SMARCAL1: variants seen among roughly 807,000 people sequenced by gnomAD.
The protein encoded by SMARCAL1 is ATP-driven annealing helicase.
In SMARCAL1, 58 loss-of-function variants were observed where a neutral mutation model predicts 94.5. That is an observed-to-expected ratio of 0.61 (90% CI 0.50 to 0.76). SMARCAL1 has a LOEUF of 0.76. Among genes scored for constraint, SMARCAL1 ranks in the 30% least tolerant of loss-of-function variants. SMARCAL1 has a pLI of 0.00. For synonymous variants in SMARCAL1, 422 were observed against 455.1 expected (o/e 0.93, Z 0.93); for missense variants, 1,051 against 1,177.9 (o/e 0.89, Z 1.58).
chr2:216,478,430 A>G (rs1695134724), intron 17 of SMARCAL1, 131 bp downstream of exon 17: 1 of 755,990 alleles, frequency 1.3e-6, no homozygotes, highest in Non-Finnish European at 2.4e-6. Flanking sequence ...GCTGAAAACA[A>G]TGGCCTGCAG....
In SMARCAL1 at chr2:216,415,325, C is replaced by G. The variant is rs761271788; in HGVS notation, c.621C>G (p.Ile207Met). The G allele has an allele frequency of 6.2e-7, 1 of 1,614,230 alleles. No individual in the cohort carries two copies. The highest frequency in any genetic ancestry group is 1.1e-5 in the South Asian group (1 of 91,090). Residue 207 changes from isoleucine to methionine, a missense_variant, in exon 3 of 18, where the codon ATC becomes ATG. Physicochemically the swap from Ile to Met is conservative, Grantham distance 10. Around this residue, in one of 3 missense-constraint regions of SMARCAL1, gnomAD observed 398 missense variants for 395.2 expected, o/e 1.01. Coordinates refer to ENST00000357276, the MANE Select transcript of SMARCAL1 (RefSeq NM_014140.4). ...ASPSGQNISYIHSSSESVTPR... is the reference protein window; with the variant it reads ...ASPSGQNISYMHSSSESVTPR... ...CTTCGGGGCAGAACATTTCTTACAT[C>G]CATTCTAGCTCAGAGAGTGTAACGC...
intron 14 of SMARCAL1, among the ~76,000 whole-genome samples, chr2:216,473,365 C>CTTT (rs74269760): frequency 7.2e-6 from 1 of 138,158 alleles, no homozygotes; most frequent in Non-Finnish European, 1.6e-5. Context: ...CTTGGTTTTC[C>CTTT]TTTTTTTTTT....
At chr2:216,447,273 A>G (rs1173624049) in intron 11 of SMARCAL1, 115 bp downstream of exon 11, 1 of 1,312,386 alleles carries the variant, frequency 7.6e-7, no homozygotes. Context: ...GGCCAGGGGA[A>G]TGGATTTTAG....
At chr2:216,472,346 T>C (rs1176195178) in intron 14 of SMARCAL1, among the ~76,000 whole-genome samples, 2 of 152,058 alleles carry the variant, frequency 1.3e-5, no homozygotes, top group Non-Finnish European at 2.9e-5. Context: ...GAGACAAGAC[T>C]CTATCTCAAA....
chr2:216,455,080 C>T (rs747611620), intron 12 of SMARCAL1, among the ~76,000 whole-genome samples: 4 of 152,368 alleles, frequency 2.6e-5, no homozygotes, highest in Admixed American at 1.3e-4. Context: ...CATGGTCCCA[C>T]GCCCACGGAG....
chr2:216,468,293 AG>A (rs1381596887), intron 14 of SMARCAL1, among the ~76,000 whole-genome samples: 3 of 152,240 alleles, frequency 2.0e-5, no homozygotes, highest in Non-Finnish European at 2.9e-5. Context: ...AACATCTCCC[AG>A]GGGCTGTTCC....
chr2:216,475,514 T>G lies in SMARCAL1; in HGVS notation c.2427+63T>G. The G allele has an allele frequency of 6.5e-7, 1 of 1,538,778 alleles. No individual in the cohort carries two copies. The highest frequency in any genetic ancestry group is 9.0e-7 in the Non-Finnish European group (1 of 1,111,568). ...GCTCATGGCTGTGGGCAGGAAGCAG[T>G]GAGTGTCGGTCGGGGAAAGTGTGGT... On this transcript the variant is annotated intron_variant, in intron 15 of 17. Transcript: ENST00000357276. This position sits in a 1 kb window ranked among gnomAD's most constrained non-coding sequence, Gnocchi z 4.4.
intron 8 of SMARCAL1, 46 bp downstream of exon 8, chr2:216,432,914 A>G (rs1250032495): frequency 1.9e-6 from 3 of 1,609,230 alleles, no homozygotes; most frequent in Non-Finnish European, 2.6e-6. Flanking sequence ...GGTTTTCTTC[A>G]GTGTTAGAGT....
At chr2:216,455,151 G>A (rs190966685) in intron 12 of SMARCAL1, among the ~76,000 whole-genome samples, 191 of 152,356 alleles carry the variant, frequency 1.3e-3, no homozygotes, top group African/African-American at 4.3e-3. Context: ...CGAGGCTGGG[G>A]GAGGGGTGCC....
intron 5 of SMARCAL1, among the ~76,000 whole-genome samples, chr2:216,421,822 C>T (rs893847030): frequency 6.6e-6 from 1 of 152,234 alleles, no homozygotes; most frequent in Non-Finnish European, 1.5e-5. Flanking sequence ...ACCTCACATT[C>T]AAGCATTGTC....
At chr2:216,415,732 CAGTT>C (rs1372888057) in intron 3 of SMARCAL1, among the ~76,000 whole-genome samples, 1 of 152,222 alleles carries the variant, frequency 6.6e-6, no homozygotes, top group Non-Finnish European at 1.5e-5. Flanking sequence ...ATCTGGAGAA[CAGTT>C]GAATGTTACT....
At chr2:216,442,055 A>G (rs1182987989) in intron 10 of SMARCAL1, among the ~76,000 whole-genome samples, 1 of 152,118 alleles carries the variant, frequency 6.6e-6, no homozygotes, top group Non-Finnish European at 1.5e-5. Context: ...GCTGGATGAG[A>G]TAGTGGCTAA....
At chr2:216,461,055 G>GGTGT (rs71054476) in intron 12 of SMARCAL1, among the ~76,000 whole-genome samples, 4,137 of 146,294 alleles carry the variant, frequency 0.028, 111 homozygotes, top group African/African-American at 0.063. Context: ...ACTAGAAAGA[G>GGTGT]GTGTGTGTGT....
At chr2:216,454,251 T>C (rs910958266) in intron 12 of SMARCAL1, among the ~76,000 whole-genome samples, 9 of 152,202 alleles carry the variant, frequency 5.9e-5, no homozygotes, top group South Asian at 2.1e-4. Flanking sequence ...ATAGAGAGTA[T>C]TAGGTCTGCA....
Position 216,478,291 on chromosome 2 carries a change from C to G in SMARCAL1, c.2617C>G (p.Leu873Val), listed in dbSNP as rs935553158. 6.2e-7 allele frequency: 1 copy of G among 1,612,254 alleles called. No homozygotes were observed. The highest frequency in any genetic ancestry group is 2.2e-5 in the East Asian group (1 of 44,882). ...AGAAATGACAGAATCCACTGATTACCTCTACAAGGTAATGCCAGCACATGG... is the reference window on the plus strand; with the variant it reads ...AGAAATGACAGAATCCACTGATTACGTCTACAAGGTAATGCCAGCACATGG... Reference protein sequence around the residue: ...FSEMTESTDYLYKDPKQQKIY... With the variant: ...FSEMTESTDYVYKDPKQQKIY... The change falls in exon 17 of 18, where the codon CTC (leucine) becomes GTC (valine). Residue 873 changes from leucine to valine, a missense_variant. Leu to Val is a conservative substitution (Grantham distance 32, BLOSUM62 1). This residue lies in a region of SMARCAL1 where 642 missense variants were observed against 754.7 expected (regional missense o/e 0.85). Transcript: ENST00000357276.
At chr2:216,430,513 G>C (rs1241318561) in intron 7 of SMARCAL1, among the ~76,000 whole-genome samples, 2 of 152,190 alleles carry the variant, frequency 1.3e-5, no homozygotes, top group Non-Finnish European at 2.9e-5. Flanking sequence ...TTCTGAGTAT[G>C]ACATTTTTTT....
At chr2:216,419,707 A>G (rs971244110) in intron 4 of SMARCAL1, among the ~76,000 whole-genome samples, 3 of 152,052 alleles carry the variant, frequency 2.0e-5, no homozygotes, top group Admixed American at 6.6e-5. Context: ...CCCCTTGTTA[A>G]TTTCTGAATT....
chr2:216,444,882 C>T (rs1453800709), intron 10 of SMARCAL1, among the ~76,000 whole-genome samples: 1 of 152,136 alleles, frequency 6.6e-6, no homozygotes, highest in Non-Finnish European at 1.5e-5. Context: ...TTCTCTGTGG[C>T]GAATTATGTA....
chr2:216,447,866 C>T (rs1373457259), intron 11 of SMARCAL1, among the ~76,000 whole-genome samples: 1 of 152,100 alleles, frequency 6.6e-6, no homozygotes, highest in East Asian at 1.9e-4. Context: ...GTTTTTAAAA[C>T]CACATTAATT....
Sources: gnomAD v4.1 joint callset for allele counts (sites outside exome capture counted in the v4.1 genomes callset) on GRCh38, gnomAD v4.1.1 for gene constraint, gnomAD v4.1.1 regional missense constraint, Gnocchi (gnomAD v3.1) non-coding constraint, MANE v1.5 for transcripts, NCBI Gene and HGNC (gene_info 2026-07-23, HGNC 2026-07-21) for gene names.